PRKN: variants seen among roughly 807,000 people sequenced by gnomAD.
PRKN encodes E3 ubiquitin-protein ligase parkin.
A neutral mutation model predicts 59.5 loss-of-function variants in PRKN; 56 were observed. The ratio of observed to expected loss-of-function variants is 0.94; its 90% CI spans 0.76 to 1.18. The LOEUF (loss-of-function observed/expected upper bound fraction) is 1.18. PRKN is among the 50% of genes most tolerant of loss of function. The probability of loss-of-function intolerance (pLI) is 0.00; values close to 1 mark genes in which losing one functional copy is unlikely to be tolerated. For synonymous variants in PRKN, 250 were observed against 222.1 expected, an observed-to-expected ratio of 1.13 and a Z score of -1.12; for missense variants, 657 against 596.4, an observed-to-expected ratio of 1.10 and a Z score of -1.06.
At chr6:162,367,521 A>G (rs978516833) in intron 2 of PRKN, among the ~76,000 whole-genome samples, 2 of 152,140 alleles carry the variant, frequency 1.3e-5, no homozygotes, top group African/African-American at 4.8e-5. Flanking sequence ...TAACCCACCA[A>G]TGAAAACCCA....
At chr6:161,796,875 G>A (rs1338028454) in intron 6 of PRKN, among the ~76,000 whole-genome samples, 1 of 152,158 alleles carries the variant, frequency 6.6e-6, no homozygotes, top group Admixed American at 6.5e-5. Flanking sequence ...TCTTGTCTTT[G>A]TTTTTGCCTC....
chr6:161,413,964 AGAT>A lies in PRKN; in HGVS notation c.1084-27090_1084-27088del, dbSNP rs1268393856. Among the ~76,000 whole-genome samples, 7 of 152,184 alleles carry A rather than the reference AGAT, an allele frequency of 4.6e-5. No individual in the cohort carries two copies. The East Asian group carries it at 9.7e-4, about 21-fold the overall frequency. On this transcript the variant is annotated intron_variant, in intron 9 of 11. Coordinates refer to ENST00000366898, the MANE Select transcript of PRKN (RefSeq NM_004562.3). The surrounding 1 kb of genome is among the most constrained non-coding windows in gnomAD (Gnocchi z 4.4). The stretch of plus-strand genomic sequence containing the variant: ...GAAGCGAGGCAGAGGTGGCAGAAAG[AGAT>A]GATAACTCCAGGAAGGAAGGGGTGC...
intron 2 of PRKN, among the ~76,000 whole-genome samples, chr6:162,271,731 C>T (rs1780402049): frequency 6.6e-6 from 1 of 152,032 alleles, no homozygotes; most frequent in Admixed American, 6.6e-5. Context: ...TCCAGTTCCC[C>T]TCCATAGTTT....
intron 2 of PRKN, among the ~76,000 whole-genome samples, chr6:162,376,776 G>T (rs1368846500): frequency 2.9e-5 from 3 of 104,900 alleles, no homozygotes; most frequent in East Asian, 6.6e-4. Context: ...AAAGGGAGGG[G>T]GAGGGGGAGG....
At chr6:162,470,393 CAGG>C (rs1437209056) in intron 1 of PRKN, among the ~76,000 whole-genome samples, 1 of 152,114 alleles carries the variant, frequency 6.6e-6, no homozygotes, top group Non-Finnish European at 1.5e-5. Flanking sequence ...ATCACGAGGT[CAGG>C]AGTTCAAGAC....
chr6:161,380,729 A>T (rs528534549), intron 10 of PRKN, among the ~76,000 whole-genome samples: 1 of 152,198 alleles, frequency 6.6e-6, no homozygotes, highest in Non-Finnish European at 1.5e-5. Context: ...CCAAAATTCC[A>T]CTTATAGATG....
At chr6:162,165,731 C>T (rs772104244) in intron 4 of PRKN, among the ~76,000 whole-genome samples, 7 of 148,784 alleles carry the variant, frequency 4.7e-5, no homozygotes, top group Non-Finnish European at 8.9e-5. Flanking sequence ...GTCAGCCCAG[C>T]AATTCCACTG....
Position 161,552,778 on chromosome 6 carries a change from T to TTTG in PRKN, c.934-3778_934-3776dup, listed in dbSNP as rs1316260237. ...ACCCCTTCCTAAAAGACACCATGGT[T>TTTG]TTGTTGTTGTTTTTGTTTTTTGTTT... On this transcript the variant is annotated intron_variant, in intron 8 of 11. Coordinates refer to ENST00000366898, the MANE Select transcript of PRKN (RefSeq NM_004562.3). This position sits in a 1 kb window ranked among gnomAD's most constrained non-coding sequence, Gnocchi z 4.9. Among the ~76,000 whole-genome samples, 802 of 117,470 alleles carry TTTG rather than the reference T, an allele frequency of 6.8e-3. 52 individuals carry two copies. The highest frequency in any genetic ancestry group is 0.051 in the East Asian group (154 of 3,006). 77.1% of individuals were successfully genotyped at this position (117,470 alleles called of 152,430 possible).
chr6:162,654,949 A>C (rs1778586573), intron 1 of PRKN, among the ~76,000 whole-genome samples: 2 of 152,194 alleles, frequency 1.3e-5, no homozygotes, highest in Admixed American at 1.3e-4. Context: ...ACTTAAAAAA[A>C]AAATCATAAT....
intron 1 of PRKN, chr6:162,694,809 C>T (rs997401564): frequency 3.3e-5 from 5 of 152,190 alleles, no homozygotes; most frequent in Admixed American, 3.3e-4. Context: ...AAGCAGGTTT[C>T]ATGCTGACAT....
At chr6:162,231,040 T>C (rs553397399) in intron 3 of PRKN, among the ~76,000 whole-genome samples, 4 of 152,340 alleles carry the variant, frequency 2.6e-5, no homozygotes, top group South Asian at 4.1e-4. Flanking sequence ...ATTCCATAGA[T>C]AGCTTATCAG....
intron 1 of PRKN, among the ~76,000 whole-genome samples, chr6:162,450,380 T>C (rs867090850): frequency 0.014 from 1,289 of 93,642 alleles, 17 homozygotes; most frequent in East Asian, 0.044. Context: ...GTGATTGTAA[T>C]CCCCCTGTGA....
intron 6 of PRKN, among the ~76,000 whole-genome samples, chr6:161,875,890 C>A (rs1316610219): frequency 6.6e-6 from 1 of 152,062 alleles, no homozygotes; most frequent in Non-Finnish European, 1.5e-5. Flanking sequence ...CAGGATGTTA[C>A]CAGATGTTCC....
chr6:162,538,638 G>A (rs1043217694), intron 1 of PRKN, among the ~76,000 whole-genome samples: 5 of 152,076 alleles, frequency 3.3e-5, no homozygotes, highest in Non-Finnish European at 7.4e-5. Context: ...CAGAATCTCT[G>A]AGGCAACGAC....
chr6:162,042,919 G>T (rs1176119388), intron 5 of PRKN, among the ~76,000 whole-genome samples: 1 of 152,170 alleles, frequency 6.6e-6, no homozygotes, highest in Non-Finnish European at 1.5e-5. Context: ...AAATTAGTAA[G>T]TTAGATAACT....
chr6:162,487,051 T>C (rs779310368), intron 1 of PRKN, among the ~76,000 whole-genome samples: 14 of 151,492 alleles, frequency 9.2e-5, no homozygotes, highest in Admixed American at 4.6e-4. Context: ...GCCTGGGCAA[T>C]AGAGTGAGAC....
intron 1 of PRKN, among the ~76,000 whole-genome samples, chr6:162,449,337 C>G (rs570610083): frequency 6.6e-6 from 1 of 152,134 alleles, no homozygotes; most frequent in Non-Finnish European, 1.5e-5. Context: ...ATTTTGTTAA[C>G]GGTAGTCCTT....
intron 2 of PRKN, among the ~76,000 whole-genome samples, chr6:162,274,188 T>TTAATTA (rs1562631979): frequency 2.1e-5 from 3 of 144,864 alleles, no homozygotes; most frequent in East Asian, 3.9e-4. Context: ...TTAATGTATT[T>TTAATTA]ATTTATTTAT....
chr6:162,222,640 G>A (rs1465949467), intron 3 of PRKN, among the ~76,000 whole-genome samples: 1 of 152,118 alleles, frequency 6.6e-6, no homozygotes, highest in Non-Finnish European at 1.5e-5. Flanking sequence ...ATCCTTGTGA[G>A]ACCCTGAGTG....
Sources: gnomAD v4.1 joint callset for allele counts (sites outside exome capture counted in the v4.1 genomes callset) on GRCh38, gnomAD v4.1.1 for gene constraint, Gnocchi (gnomAD v3.1) non-coding constraint, MANE v1.5 for transcripts, NCBI Gene and HGNC (gene_info 2026-07-23, HGNC 2026-07-21) for gene names.